NYX: variants seen among roughly 807,000 people sequenced by gnomAD.
NYX encodes leucine-rich repeat protein.
For missense variants in NYX, 481 were observed against 485.4 expected (o/e 0.99, Z 0.09); for synonymous variants, 258 against 245.7 (o/e 1.05, Z -0.47).
chrX:41,449,507 G>A (rs1391039126), intron 2 of NYX, among the ~76,000 whole-genome samples: 1 of 111,225 alleles, frequency 9.0e-6, no homozygotes. Context: ...TTCCTACCTC[G>A]AAGAGGTTCT....
chrX:41,474,801 G>A lies in NYX; in HGVS notation c.1333G>A (p.Gly445Arg). The A allele has an allele frequency of 1.7e-6, 2 of 1,202,903 alleles. No individual in the cohort carries two copies. The highest frequency in any genetic ancestry group is 2.2e-6 in the Non-Finnish European group (2 of 891,862). ...CCTGTCCGACAGCCTCTCCTCCCGT[G>A]GGGTGGGAGGCGCGGGCCGGCAGCC... ...ASLSDSLSSR[G>R]VGGAGRQPWF... The change falls in exon 3 of 3, where the codon GGG becomes AGG. Residue 445 changes from glycine to arginine, a missense_variant. By Grantham distance (125) the Gly-to-Arg change is moderately radical. Transcript: ENST00000378220.
chrX:41,457,137 T>C (rs904284903), intron 2 of NYX, among the ~76,000 whole-genome samples: 1 of 109,936 alleles, frequency 9.1e-6, no homozygotes, highest in Non-Finnish European at 1.9e-5. Context: ...TGAAACCCCA[T>C]CTCTATTAAA....
At position 41,447,562 on chromosome X, in the gene NYX, T is replaced by C. The variant is rs777981530; in HGVS notation, c.-57+46T>C. ...ATTCACTAACGCTTCTCTGCAGGGG[T>C]TTCCTCTCCATCCATTTCCTTGCTG... is the stretch of plus-strand genomic sequence containing the variant. On this transcript the variant is annotated intron_variant, in intron 1 of 2. Coordinates refer to ENST00000378220, the MANE Select transcript of NYX (RefSeq NM_001378477.3). The C allele has an allele frequency of 1.6e-4, 53 of 328,589 alleles. No individual in the cohort carries two copies. Among genetic ancestry groups the C allele is most frequent in the African/African-American group, 1.3e-3 (50 of 37,658 alleles). The allele number at this position is 328,589 out of a possible 1,213,427, so 27.1% of individuals were successfully genotyped here. A position where few individuals can be genotyped will look rare whatever the true frequency, so the allele number is the denominator to read the frequency against.
chrX:41,454,453 T>C lies in NYX; in HGVS notation c.22+6527T>C, dbSNP rs146331963. Among the ~76,000 whole-genome samples the C allele has an allele frequency of 2.6e-3, 287 of 110,512 alleles. 1 individual carries two copies. The highest frequency in any genetic ancestry group is 8.9e-3 in the African/African-American group (271 of 30,473). ...TCAGCCTCCGGAGTAGTTGGGACTA[T>C]AGGTGCATGCCACCATGCCTGAATA... On this transcript the variant is annotated intron_variant, in intron 2 of 2. Coordinates refer to ENST00000378220, the MANE Select transcript of NYX (RefSeq NM_001378477.3).
intron 2 of NYX, among the ~76,000 whole-genome samples, chrX:41,466,590 G>A (rs765513710): frequency 9.7e-5 from 10 of 102,835 alleles, no homozygotes; most frequent in South Asian, 4.4e-4. Flanking sequence ...ACAGAGTTTC[G>A]CTCTTGTAGC....
At chrX:41,456,990 G>A (rs1207446533) in intron 2 of NYX, among the ~76,000 whole-genome samples, 1 of 111,192 alleles carries the variant, frequency 9.0e-6, no homozygotes, top group Non-Finnish European at 1.9e-5. Flanking sequence ...GAGCCCTCAT[G>A]AATGGAATTA....
intron 2 of NYX, among the ~76,000 whole-genome samples, chrX:41,469,611 A>G (rs955832664): frequency 1.9e-5 from 2 of 106,239 alleles, no homozygotes; most frequent in Non-Finnish European, 1.9e-5. Context: ...TAGTGGTGCA[A>G]TCTCGGCTCA....
intron 2 of NYX, among the ~76,000 whole-genome samples, chrX:41,460,876 ATTTTTTTTTTTTT>A (rs59383905): frequency 3.6e-4 from 9 of 24,780 alleles, no homozygotes; most frequent in South Asian, 5.1e-3. Context: ...CACAGTATGT[ATTTTTTTTTTTTT>A]TTTTTTTTTT....
At chrX:41,460,356 C>T (rs1475004073) in intron 2 of NYX, among the ~76,000 whole-genome samples, 1 of 110,023 alleles carries the variant, frequency 9.1e-6, no homozygotes, top group Admixed American at 9.8e-5. Flanking sequence ...TTAGTAGAGA[C>T]GGGGTTTCGC....
Position 41,470,887 on chromosome X carries a change from G to T in NYX, c.23-2604G>T, listed in dbSNP as rs758914631. Among the ~76,000 whole-genome samples, 3 of 109,840 alleles carry T rather than the reference G, an allele frequency of 2.7e-5. No homozygotes were observed. In the South Asian group the frequency reaches 1.2e-3, roughly 43 times the overall value. ...GGGTGAAGGCCACAGCGATGTCCTC[G>T]GAGATCCCCCAGGGCCTGCAGACAA... On this transcript the variant is annotated intron_variant, in intron 2 of 2. Coordinates refer to ENST00000378220, the MANE Select transcript of NYX (RefSeq NM_001378477.3).
At chrX:41,471,848 T>C (rs1458866575) in intron 2 of NYX, among the ~76,000 whole-genome samples, 27 of 97,920 alleles carry the variant, frequency 2.8e-4, no homozygotes, top group South Asian at 9.7e-4. Context: ...TTTTTTTTTT[T>C]CCCCTGGGGT....
intron 1 of NYX, 145 bp from the exon 2 acceptor site, chrX:41,447,704 C>A: frequency 2.1e-6 from 1 of 484,470 alleles, no homozygotes; most frequent in Non-Finnish European, 3.7e-6. Context: ...TTACTGGTTT[C>A]CCTTAGCCCA....
rs1469525820 is a variant in NYX, at chrX:41,474,114, G to A, written c.646G>A (p.Val216Met). The change falls in exon 3 of 3, where the codon GTG (valine) becomes ATG (methionine). Residue 216 changes from valine (V) to methionine (M), a missense_variant. Physicochemically the swap from Val to Met is conservative, Grantham distance 21 (BLOSUM62 1). Transcript: ENST00000378220. The part of the protein sequence containing the change: ...LSLQANRVRA[V>M]HAGAFGDCGV... The stretch of plus-strand genomic sequence containing the variant: ...CCTGCAGGCCAACCGCGTCCGTGCC[G>A]TGCACGCTGGCGCCTTCGGGGACTG... 1 of 1,122,215 alleles carries A rather than the reference G, an allele frequency of 8.9e-7. No individual in the cohort carries two copies. Among genetic ancestry groups the A allele is most frequent in the East Asian group, 3.3e-5 (1 of 30,004 alleles). 92.5% of individuals were successfully genotyped at this position (1,122,215 alleles called of 1,213,427 possible). A position where few individuals can be genotyped will look rare whatever the true frequency, so the allele number is the denominator to read the frequency against.
chrX:41,457,544 C>T (rs2064303336), intron 2 of NYX, among the ~76,000 whole-genome samples: 1 of 104,854 alleles, frequency 9.5e-6, no homozygotes. Context: ...GACAATACAC[C>T]AGCTTCTTCA....
At chrX:41,457,307 CA>C (rs752610260) in intron 2 of NYX, among the ~76,000 whole-genome samples, 55 of 44,702 alleles carry the variant, frequency 1.2e-3, no homozygotes, top group South Asian at 2.3e-3. Flanking sequence ...AACTCCATCT[CA>C]AAAAAAAAAA....
chrX:41,464,619 T>C (rs2064331889), intron 2 of NYX, among the ~76,000 whole-genome samples: 2 of 111,625 alleles, frequency 1.8e-5, no homozygotes, highest in African/African-American at 3.3e-5. Context: ...ATATGTCTTT[T>C]TGTTTTGGAT....
intron 2 of NYX, among the ~76,000 whole-genome samples, chrX:41,457,516 G>T (rs1483734543): frequency 9.2e-6 from 1 of 109,190 alleles, no homozygotes; most frequent in Non-Finnish European, 1.9e-5. Context: ...GTGTGTTATG[G>T]CAGCCTGAAC....
chrX:41,455,250 C>T (rs187499652), intron 2 of NYX, among the ~76,000 whole-genome samples: 131 of 109,667 alleles, frequency 1.2e-3, no homozygotes, highest in African/African-American at 4.1e-3. Flanking sequence ...GGATTACAGG[C>T]GCCCACCACC....
At chrX:41,462,411 C>T (rs1220295183) in intron 2 of NYX, among the ~76,000 whole-genome samples, 7 of 112,350 alleles carry the variant, frequency 6.2e-5, no homozygotes, top group South Asian at 3.7e-4. Context: ...TACATTCCAC[C>T]GGCAGTGTAA....
Sources: gnomAD v4.1 joint callset for allele counts (sites outside exome capture counted in the v4.1 genomes callset) on GRCh38, gnomAD v4.1.1 for gene constraint, MANE v1.5 for transcripts, NCBI Gene and HGNC (gene_info 2026-07-23, HGNC 2026-07-21) for gene names.